The following FERMT2 variants were observed in gnomAD, a reference collection of about 807,000 sequenced individuals.
FERMT2 encodes FERM domain containing kindlin 2.
FERMT2 carries 15 observed loss-of-function variants against 82.7 expected under a neutral mutation model. The observed-to-expected ratio is 0.18, with a 90% CI of 0.12 to 0.28. FERMT2 has a LOEUF of 0.28. Among genes scored for constraint, FERMT2 ranks in the 10% least tolerant of loss-of-function variants. FERMT2 has a pLI of 1.00. For missense variants in FERMT2, 645 were observed against 809.4 expected (o/e 0.80, Z 2.46); for synonymous variants, 274 against 271.5 (o/e 1.01, Z -0.09).
chr14:52,918,000 C>A (rs374907911), intron 3 of FERMT2, among the ~76,000 whole-genome samples: 2 of 152,124 alleles, frequency 1.3e-5, no homozygotes, highest in African/African-American at 4.8e-5. Flanking sequence ...GGTACTCTGG[C>A]GCTAGCCCAA....
intron 2 of FERMT2, among the ~76,000 whole-genome samples, chr14:52,927,592 TAAAAAAAAAAAAAAAA>T (rs71125150): frequency 8.9e-5 from 3 of 33,714 alleles, no homozygotes; most frequent in African/African-American, 1.3e-4. Flanking sequence ...CTCATCCCTA[TAAAAAAAAAAAAAAAA>T]AAAAAAAAAA....
Position 52,950,333 on chromosome 14 carries a change from C to T in FERMT2, c.157+79G>A, listed in dbSNP as rs1890568893. 20 of 1,432,478 alleles carry T rather than the reference C, an allele frequency of 1.4e-5. No homozygotes were observed. In the South Asian group the frequency reaches 2.5e-4, roughly 18 times the overall value. 88.7% of individuals were successfully genotyped at this position (1,432,478 alleles called of 1,614,324 possible). On this transcript the variant is annotated intron_variant, in intron 2 of 14. Coordinates refer to ENST00000341590, the MANE Select transcript of FERMT2 (RefSeq NM_006832.3). Reference sequence around the variant, plus strand: ...ATGCCAAGATTTCTCAAATGGGCCCCTCCCCCGTCGTGAGCCTCTTTCCTC... The same window carrying T: ...ATGCCAAGATTTCTCAAATGGGCCCTTCCCCCGTCGTGAGCCTCTTTCCTC...
intron 8 of FERMT2, 69 bp downstream of exon 8, chr14:52,875,153 AC>A: frequency 3.0e-6 from 4 of 1,329,060 alleles, no homozygotes; most frequent in Non-Finnish European, 4.2e-6. Flanking sequence ...AATACTTTGA[AC>A]CTAAATCCAC....
chr14:52,860,296 A>C (rs989241070), intron 13 of FERMT2, 45 bp downstream of exon 13: 3 of 1,597,620 alleles, frequency 1.9e-6, no homozygotes, highest in Non-Finnish European at 2.6e-6. Flanking sequence ...AGATTAAGCA[A>C]AAATGCAGAT....
At chr14:52,877,093 C>T (rs1886004761) in intron 7 of FERMT2, among the ~76,000 whole-genome samples, 1 of 152,126 alleles carries the variant, frequency 6.6e-6, no homozygotes, top group Non-Finnish European at 1.5e-5. Context: ...GAGAACACAA[C>T]TGTGTGTACT....
At chr14:52,902,881 AAAAAAAAAAAC>A (rs1337685010) in intron 3 of FERMT2, among the ~76,000 whole-genome samples, 1 of 140,078 alleles carries the variant, frequency 7.1e-6, no homozygotes, top group African/African-American at 2.6e-5. Context: ...AAAAAAAAAA[AAAAAAAAAAAC>A]CCCAAAACAC....
chr14:52,912,862 T>G (rs1411538312), intron 3 of FERMT2, among the ~76,000 whole-genome samples: 1 of 152,244 alleles, frequency 6.6e-6, no homozygotes, highest in Admixed American at 6.5e-5. Flanking sequence ...TGATCCTTAT[T>G]TCTTTATTCC....
intron 10 of FERMT2, among the ~76,000 whole-genome samples, chr14:52,867,198 C>G (rs1885338466): frequency 6.6e-6 from 1 of 151,880 alleles, no homozygotes; most frequent in Admixed American, 6.6e-5. Flanking sequence ...CCTTGGTCTC[C>G]CAAAATGTTG....
intron 10 of FERMT2, among the ~76,000 whole-genome samples, chr14:52,869,787 A>G (rs1040669912): frequency 6.6e-6 from 1 of 152,194 alleles, no homozygotes; most frequent in African/African-American, 2.4e-5. Context: ...ATTCCAGAAG[A>G]AGGCATTGTT....
chr14:52,859,748 T>C, intron 13 of FERMT2, 34 bp from the exon 14 acceptor site: 2 of 1,370,578 alleles, frequency 1.5e-6, no homozygotes, highest in Non-Finnish European at 2.0e-6. Flanking sequence ...GTTAAAAACA[T>C]GTTGTGGGGG....
intron 2 of FERMT2, among the ~76,000 whole-genome samples, chr14:52,941,125 T>A (rs1890070853): frequency 6.6e-6 from 1 of 152,206 alleles, no homozygotes; most frequent in Non-Finnish European, 1.5e-5. Context: ...TTCAATGGAC[T>A]ACTACTCAGT....
chr14:52,922,608 A>G (rs963611839), intron 2 of FERMT2, among the ~76,000 whole-genome samples: 6 of 152,224 alleles, frequency 3.9e-5, no homozygotes, highest in Admixed American at 3.9e-4. Flanking sequence ...CTAACGTGAT[A>G]AGGAGCTTTT....
chr14:52,946,234 G>A (rs1890351057), intron 2 of FERMT2, among the ~76,000 whole-genome samples: 1 of 151,974 alleles, frequency 6.6e-6, no homozygotes, highest in Admixed American at 6.6e-5. Context: ...GCCTCTTCTT[G>A]ACAAAATTTA....
intron 2 of FERMT2, among the ~76,000 whole-genome samples, chr14:52,946,717 C>T (rs1314903908): frequency 2.0e-5 from 3 of 151,932 alleles, no homozygotes; most frequent in Non-Finnish European, 2.9e-5. Context: ...CTTGCTCTGT[C>T]GCTTAGGCTG....
At chr14:52,877,758 C>G (rs1165516907) in intron 7 of FERMT2, among the ~76,000 whole-genome samples, 1 of 151,982 alleles carries the variant, frequency 6.6e-6, no homozygotes, top group Non-Finnish European at 1.5e-5. Context: ...AGTTCTTCAA[C>G]TGAATGTCAA....
rs114664083 is a variant in FERMT2 at position 52,931,597 on chromosome 14, G to A, written c.158-12241C>T. Reference sequence around the variant, plus strand: ...AGGACACTGATTTCAGATGAGAGAGGACAGCTGGAAGGTGAAGAGGGGAAG... The same window carrying A: ...AGGACACTGATTTCAGATGAGAGAGAACAGCTGGAAGGTGAAGAGGGGAAG... On this transcript the variant is annotated intron_variant, in intron 2 of 14. Transcript: ENST00000341590. 9.3e-3 allele frequency among the ~76,000 whole-genome samples: 1,409 copies of A among 152,276 alleles called. 21 individuals carry two copies. Among genetic ancestry groups the A allele is most frequent in the African/African-American group, 0.032 (1,326 of 41,548 alleles).
intron 2 of FERMT2, among the ~76,000 whole-genome samples, chr14:52,949,084 A>T (rs1890493565): frequency 6.6e-6 from 1 of 152,208 alleles, no homozygotes; most frequent in African/African-American, 2.4e-5. Context: ...TCTAATTTTC[A>T]CTGGGCTACC....
At chr14:52,916,666 C>T (rs1888632612) in intron 3 of FERMT2, among the ~76,000 whole-genome samples, 1 of 152,110 alleles carries the variant, frequency 6.6e-6, no homozygotes, top group African/African-American at 2.4e-5. Flanking sequence ...GAAGTGAACC[C>T]TAACATAAAC....
In FERMT2 at chr14:52,858,295, CTTTATTAAGCAGCATATA is replaced by C; in HGVS notation, c.*64_*81del. ...GATAAAATGATAAATTTCAAGCTTA[CTTTATTAAGCAGCATATA>C]ACAAACAGCTTTTAAAGTTAAATAT... is the stretch of plus-strand genomic sequence containing the variant. On this transcript the variant is annotated 3_prime_UTR_variant, in exon 15 of 15. Transcript: ENST00000341590. 8.1e-7 allele frequency: 1 copy of C among 1,239,510 alleles called. No homozygotes were observed. Among genetic ancestry groups the C allele is most frequent in the Non-Finnish European group, 1.1e-6 (1 of 871,064 alleles). 76.8% of individuals were successfully genotyped at this position (1,239,510 alleles called of 1,614,324 possible). A position where few individuals can be genotyped will look rare whatever the true frequency, so the allele number is the denominator to read the frequency against.
Sources: allele counts gnomAD v4.1 joint callset (sites outside exome capture counted in the v4.1 genomes callset), GRCh38; gene constraint gnomAD v4.1.1; transcripts MANE v1.5; gene names NCBI Gene and HGNC (gene_info 2026-07-23, HGNC 2026-07-21).